The following PRR4 variants were observed in gnomAD, a reference collection of about 807,000 sequenced individuals.
PRR4 encodes the protein proline-rich protein 4.
In PRR4, 7 loss-of-function variants were observed where a neutral mutation model predicts 7.6. That is an observed-to-expected ratio of 0.92 (90% CI 0.52 to 1.73). PRR4 has a LOEUF of 1.73. PRR4 is among the 40% of genes most tolerant of loss of function. The pLI, the probability that PRR4 is intolerant of heterozygous loss-of-function variation, is 0.00. For synonymous variants in PRR4, 64 were observed against 58.5 expected, an observed-to-expected ratio of 1.09 and a Z score of -0.43; for missense variants, 187 against 161.0, an observed-to-expected ratio of 1.16 and a Z score of -0.87.
chr12:10,848,236 A>T, intron 2 of PRR4, 136 bp downstream of exon 2: 1 of 744,688 alleles, frequency 1.3e-6, no homozygotes, highest in Non-Finnish European at 2.1e-6. Flanking sequence ...TAGGGGCACT[A>T]ATATTAATCA....
Position 10,848,372 on chromosome 12 carries a change from C to T in PRR4, c.100G>A (p.Asp34Asn). 2 of 1,608,028 alleles carry T rather than the reference C, an allele frequency of 1.2e-6. No homozygotes were observed. The highest frequency in any genetic ancestry group is 1.7e-6 in the Non-Finnish European group (2 of 1,174,890). ...NYEDFTFTIP[D>N]VEDSSQRPDQ... Reference sequence around the variant, plus strand: ...TGGATTGAGGATCATTGGGATTTACCTGGTATGGTGAAAGTAAAGTCTTCA... The same window carrying T: ...TGGATTGAGGATCATTGGGATTTACTTGGTATGGTGAAAGTAAAGTCTTCA... The change falls in exon 2 of 4, where the codon GAT (aspartate) becomes AAT (asparagine). Residue 34 changes from aspartate (D) to asparagine (N), a missense_variant and splice_region_variant. Asp to Asn is a conservative substitution (Grantham distance 23, BLOSUM62 1). Transcript: ENST00000228811.
At position 10,847,175 on chromosome 12, in the gene PRR4, C is replaced by T. The variant is rs765846099; in HGVS notation, c.293G>A (p.Gly98Glu). Reference protein sequence around the residue: ...FQNQQRPPRRGHRQLSLPRFP... With the variant: ...FQNQQRPPRREHRQLSLPRFP... Reference sequence around the variant, plus strand: ...TCGGGGTAGAGAGAGTTGACGGTGTCCTCGTCGGGGTGGTCGTTGCTGATT... The same window carrying T: ...TCGGGGTAGAGAGAGTTGACGGTGTTCTCGTCGGGGTGGTCGTTGCTGATT... Residue 98 changes from glycine to glutamate, a missense_variant, in exon 3 of 4, where the codon GGA (glycine) becomes GAA (glutamate). Gly to Glu is a moderately conservative substitution (Grantham distance 98, BLOSUM62 -2). Transcript: ENST00000228811. The T allele has an allele frequency of 6.2e-7, 1 of 1,613,680 alleles. No individual in the cohort carries two copies.
chr12:10,848,764 G>C (rs968534014), intron 1 of PRR4: 8 of 229,052 alleles, frequency 3.5e-5, no homozygotes, highest in African/African-American at 1.6e-4. Context: ...GCTTGCCCAA[G>C]AGGAGCAACC....
At chr12:10,848,744 A>C (rs1020049799) in intron 1 of PRR4, 1 of 256,126 alleles carries the variant, frequency 3.9e-6, no homozygotes, top group African/African-American at 2.2e-5. Flanking sequence ...TATTTTGATC[A>C]TATTCACAAG....
intron 2 of PRR4, 30 bp downstream of exon 2, chr12:10,848,342 A>G (rs1386839078): frequency 1.9e-6 from 3 of 1,581,726 alleles, no homozygotes; most frequent in Non-Finnish European, 8.7e-7. Flanking sequence ...AAGAAAGAAA[A>G]GAATTGGATT....
chr12:10,846,223 A>G (rs1245792700), intron 3 of PRR4, among the ~76,000 whole-genome samples: 1 of 152,224 alleles, frequency 6.6e-6, no homozygotes, highest in Non-Finnish European at 1.5e-5. Flanking sequence ...GTACAGTCAC[A>G]CAAGAGAATA....
chr12:10,849,316 GAGTCATGGCCC>G, intron 1 of PRR4, 47 bp downstream of exon 1: 2 of 1,113,158 alleles, frequency 1.8e-6, no homozygotes, highest in South Asian at 3.0e-5. Context: ...GGCCCTAGAA[GAGTCATGGCCC>G]CTCATCCCAC....
chr12:10,847,661 GAAA>G (rs200802133), intron 2 of PRR4, among the ~76,000 whole-genome samples: 1 of 123,676 alleles, frequency 8.1e-6, no homozygotes. Flanking sequence ...TCCAAGGACA[GAAA>G]AAAAAAAAAA....
intron 3 of PRR4, among the ~76,000 whole-genome samples, chr12:10,846,475 T>C (rs544512924): frequency 6.6e-6 from 1 of 152,310 alleles, no homozygotes; most frequent in Middle Eastern, 3.4e-3. Flanking sequence ...AGGGTGTGGG[T>C]AAGTAGGATA....
chr12:10,848,338 G>T (rs889467830), intron 2 of PRR4, 34 bp downstream of exon 2: 8 of 1,579,490 alleles, frequency 5.1e-6, no homozygotes, highest in Non-Finnish European at 6.9e-6. Context: ...GAAAAAGAAA[G>T]AAAAGAATTG....
At chr12:10,846,807 A>T (rs1410171430) in intron 3 of PRR4, among the ~76,000 whole-genome samples, 1 of 152,210 alleles carries the variant, frequency 6.6e-6, no homozygotes, top group Non-Finnish European at 1.5e-5. Flanking sequence ...TTAATGAGAC[A>T]AGTCATCTTA....
intron 3 of PRR4, among the ~76,000 whole-genome samples, chr12:10,846,390 A>T (rs977391552): frequency 6.6e-6 from 1 of 152,208 alleles, no homozygotes; most frequent in Non-Finnish European, 1.5e-5. Flanking sequence ...TGGGAAAAAT[A>T]ATGACGTATG....
chr12:10,846,936 G>A, intron 3 of PRR4, 109 bp downstream of exon 3: 2 of 973,092 alleles, frequency 2.1e-6, no homozygotes, highest in South Asian at 6.1e-5. Flanking sequence ...TTAGAAATGG[G>A]GTCCAGGATT....
At chr12:10,848,486 G>T (rs1949052760) in intron 1 of PRR4, 79 bp from the exon 2 acceptor site, 5 of 1,390,332 alleles carry the variant, frequency 3.6e-6, no homozygotes, top group Non-Finnish European at 3.0e-6. Context: ...AGGGAAAGGG[G>T]TCTTCTGGCC....
In PRR4 at chr12:10,847,129, C is replaced by A; in HGVS notation, c.339G>T (p.Gln113His). 10 of 1,613,266 alleles carry A rather than the reference C, an allele frequency of 6.2e-6. No individual in the cohort carries two copies. The highest frequency in any genetic ancestry group is 7.6e-6 in the Non-Finnish European group (9 of 1,179,548). Residue 113 changes from glutamine (Q) to histidine (H), a missense_variant, in exon 3 of 4, where the codon CAG becomes CAT. Gln to His is a conservative substitution (Grantham distance 24, BLOSUM62 0). Transcript: ENST00000228811. ...CCCTCTGGAAGAATGATGATGCTTC[C>A]TGCAGGCTGACAGAAGGAAATCGGG... ...SLPRFPSVSL[Q>H]EASSFFQRDR... is the part of the protein sequence containing the mutation.
At chr12:10,848,527 C>T in intron 1 of PRR4, 120 bp from the exon 2 acceptor site, 3 of 842,522 alleles carry the variant, frequency 3.6e-6, no homozygotes, top group Non-Finnish European at 3.6e-6. Context: ...GTTACCTCAT[C>T]AACCATGTTC....
At chr12:10,848,736 T>C (rs1949056661) in intron 1 of PRR4, 1 of 271,774 alleles carries the variant, frequency 3.7e-6, no homozygotes, top group Non-Finnish European at 6.8e-6. Flanking sequence ...TCTTTAAATA[T>C]TTTGATCATA....
chr12:10,847,932 G>A (rs943945713), intron 2 of PRR4, among the ~76,000 whole-genome samples: 3 of 152,112 alleles, frequency 2.0e-5, no homozygotes, highest in Admixed American at 6.5e-5. Context: ...CAGCTGAGTG[G>A]GTCAACACAG....
At position 10,847,160 on chromosome 12, in the gene PRR4, G is replaced by A. The variant is rs760997636; in HGVS notation, c.308C>T (p.Ser103Phe). Residue 103 changes from serine (S) to phenylalanine (F), a missense_variant, in exon 3 of 4, where the codon TCT becomes TTT. By Grantham distance (155) the Ser-to-Phe change is radical (BLOSUM62 -2). Transcript: ENST00000228811. ...RPPRRGHRQL[S>F]LPRFPSVSLQ... ...GCTGACAGAAGGAAATCGGGGTAGA[G>A]AGAGTTGACGGTGTCCTCGTCGGGG... is the stretch of plus-strand genomic sequence containing the variant. 8 of 1,613,784 alleles carry A rather than the reference G, an allele frequency of 5.0e-6. No homozygotes were observed. The African/African-American group carries it at 8.0e-5, about 16-fold the overall frequency.
Sources: allele counts gnomAD v4.1 joint callset (sites outside exome capture counted in the v4.1 genomes callset), GRCh38; gene constraint gnomAD v4.1.1; transcripts MANE v1.5; gene names NCBI Gene and HGNC (gene_info 2026-07-23, HGNC 2026-07-21).